Variants in FLI1 observed in about 807,000 individuals in gnomAD.
FLI1 encodes Fli-1 proto-oncogene, ETS transcription factor.
A neutral mutation model predicts 53.1 loss-of-function variants in FLI1; 13 were observed. The observed-to-expected ratio is 0.24, with a 90% CI of 0.16 to 0.39. The LOEUF (loss-of-function observed/expected upper bound fraction) is 0.39. Among genes scored for constraint, FLI1 ranks in the 10% least tolerant of loss-of-function variants. The pLI is 1.00. For synonymous variants in FLI1, 244 were observed against 236.7 expected (o/e 1.03, Z -0.28); for missense variants, 424 against 600.5 (o/e 0.71, Z 3.07).
At chr11:128,759,559 G>C (rs1941029748) in intron 2 of FLI1, among the ~76,000 whole-genome samples, 1 of 152,260 alleles carries the variant, frequency 6.6e-6, no homozygotes, top group Admixed American at 6.5e-5. Context: ...CGATAGCAAA[G>C]AGATGATTAA....
intron 1 of FLI1, among the ~76,000 whole-genome samples, chr11:128,703,341 A>T (rs1193665239): frequency 2.0e-5 from 3 of 152,210 alleles, no homozygotes; most frequent in Non-Finnish European, 4.4e-5. Context: ...ACTCAGATAT[A>T]TGTACAATGT....
chr11:128,701,540 A>G (rs1304728323), intron 1 of FLI1, among the ~76,000 whole-genome samples: 1 of 152,220 alleles, frequency 6.6e-6, no homozygotes, highest in East Asian at 1.9e-4. Context: ...ATTCAGATCA[A>G]CTTTACAGTA....
At chr11:128,778,895 G>A (rs970066460) in intron 4 of FLI1, among the ~76,000 whole-genome samples, 1 of 152,198 alleles carries the variant, frequency 6.6e-6, no homozygotes, top group African/African-American at 2.4e-5. Context: ...ACAGAGCCTG[G>A]GGAACTAATG....
chr11:128,800,378 C>G (rs968798192), intron 5 of FLI1, among the ~76,000 whole-genome samples: 19 of 152,184 alleles, frequency 1.2e-4, no homozygotes, highest in African/African-American at 4.3e-4. Flanking sequence ...AAGAGAGAGG[C>G]TTTTGTGGGC....
intron 1 of FLI1, among the ~76,000 whole-genome samples, chr11:128,733,998 G>T (rs1275871602): frequency 6.6e-6 from 1 of 152,234 alleles, no homozygotes; most frequent in Non-Finnish European, 1.5e-5. Flanking sequence ...CTGCTGAGCT[G>T]CAGGGGTTCA....
At chr11:128,692,705 TTGGATCTCCTC>T (rs1215809979), upstream of FLI1, 1 of 152,280 alleles carries the variant, frequency 6.6e-6, no homozygotes, top group Non-Finnish European at 1.5e-5. Context: ...TCCAATTGAC[TTGGATCTCCTC>T]TGGATTTTTT....
intron 3 of FLI1, among the ~76,000 whole-genome samples, chr11:128,772,388 G>A (rs1022712715): frequency 6.6e-5 from 10 of 152,174 alleles, no homozygotes; most frequent in African/African-American, 1.7e-4. Context: ...TGAGGGATCC[G>A]TGTTCTTTCA....
chr11:128,751,024 C>A (rs979846164), intron 1 of FLI1, among the ~76,000 whole-genome samples: 7 of 152,160 alleles, frequency 4.6e-5, no homozygotes, highest in African/African-American at 1.7e-4. Context: ...GTAACAGAGC[C>A]TTATCTATGG....
rs146762393 is a variant in FLI1, at chr11:128,738,281, C to T, written c.19-19834C>T. Among the ~76,000 whole-genome samples, 135 of 152,354 alleles carry T rather than the reference C, an allele frequency of 8.9e-4. 1 individual carries two copies. Among genetic ancestry groups the T allele is most frequent in the African/African-American group, 3.2e-3 (132 of 41,574 alleles). On this transcript the variant is annotated intron_variant, in intron 1 of 8. Coordinates refer to ENST00000527786, the MANE Select transcript of FLI1 (RefSeq NM_002017.5). ...CTGGCTCCATGCTGTTTCTACTCTA[C>T]ACTCCATCTTCCACATCTGCTTTTT...
At chr11:128,695,349 G>A (rs1004041351) in intron 1 of FLI1, among the ~76,000 whole-genome samples, 1 of 152,232 alleles carries the variant, frequency 6.6e-6, no homozygotes, top group Non-Finnish European at 1.5e-5. Context: ...GGGAATGAAT[G>A]GGACCAGGGG....
At position 128,811,691 on chromosome 11, in the gene FLI1, A is replaced by T. The variant is rs1420388773; in HGVS notation, c.*703A>T. The T allele has an allele frequency of 2.7e-5, 5 of 183,824 alleles. No homozygotes were observed. The highest frequency in any genetic ancestry group is 1.3e-4 in the Admixed American group (2 of 15,540). The allele number at this position is 183,824 out of a possible 1,614,324, so 11.4% of individuals were successfully genotyped here. On this transcript the variant is annotated 3_prime_UTR_variant, in exon 9 of 9. Transcript: ENST00000527786. ...TGAAAGACGGGGAATTAAATTACTA[A>T]TTTTTTTTTTTTTTTAAATGATGAC... is the stretch of plus-strand genomic sequence containing the variant.
chr11:128,772,447 C>T (rs550175340), intron 3 of FLI1, among the ~76,000 whole-genome samples: 96 of 152,316 alleles, frequency 6.3e-4, no homozygotes, highest in African/African-American at 2.2e-3. Context: ...TTTCCAGAGA[C>T]ATTGGTCCCG....
intron 2 of FLI1, among the ~76,000 whole-genome samples, chr11:128,760,310 G>T (rs553792324): frequency 1.2e-4 from 18 of 152,226 alleles, no homozygotes; most frequent in African/African-American, 4.3e-4. Flanking sequence ...GTTGGAGCCC[G>T]AACCCAGGCG....
chr11:128,760,334 C>T (rs1432882764), intron 2 of FLI1, among the ~76,000 whole-genome samples: 8 of 152,028 alleles, frequency 5.3e-5, no homozygotes, highest in Non-Finnish European at 7.4e-5. Flanking sequence ...GGTTCCAGCC[C>T]CACGTGCCAT....
At chr11:128,801,625 G>C (rs1942640789) in intron 5 of FLI1, among the ~76,000 whole-genome samples, 1 of 152,226 alleles carries the variant, frequency 6.6e-6, no homozygotes, top group South Asian at 2.1e-4. Flanking sequence ...ACCCCAGATG[G>C]AAATCTTTTG....
chr11:128,801,623 T>G (rs1942640713), intron 5 of FLI1, among the ~76,000 whole-genome samples: 1 of 152,194 alleles, frequency 6.6e-6, no homozygotes, highest in Non-Finnish European at 1.5e-5. Context: ...ACACCCCAGA[T>G]GGAAATCTTT....
chr11:128,756,455 C>G (rs561454585), intron 1 of FLI1, among the ~76,000 whole-genome samples: 40 of 152,280 alleles, frequency 2.6e-4, no homozygotes, highest in South Asian at 1.5e-3. Context: ...CCTTAAAGGT[C>G]CTATCTCCAA....
At chr11:128,694,666 G>A (rs1333370465) in intron 1 of FLI1, among the ~76,000 whole-genome samples, 1 of 152,186 alleles carries the variant, frequency 6.6e-6, no homozygotes, top group Non-Finnish European at 1.5e-5. Context: ...CCCAGCGCTA[G>A]GCACTGGGCT....
intron 1 of FLI1, among the ~76,000 whole-genome samples, chr11:128,712,745 G>A (rs548953658): frequency 1.1e-4 from 17 of 152,240 alleles, no homozygotes; most frequent in South Asian, 2.1e-4. Flanking sequence ...GGTCCCTCCC[G>A]CAACATGTGG....
Sources: gnomAD v4.1 joint callset for allele counts (sites outside exome capture counted in the v4.1 genomes callset) on GRCh38, gnomAD v4.1.1 for gene constraint, MANE v1.5 for transcripts, NCBI Gene and HGNC (gene_info 2026-07-23, HGNC 2026-07-21) for gene names.